Variants in KCNH5 observed in about 807,000 individuals in gnomAD.
The protein encoded by KCNH5 is voltage-gated delayed rectifier potassium channel KCNH5.
In KCNH5, 46 loss-of-function variants were observed where a neutral mutation model predicts 96.1. The observed-to-expected ratio is 0.48, with a 90% CI of 0.38 to 0.61. KCNH5 has a LOEUF of 0.61. KCNH5 is among the 20% of genes least tolerant of loss of function. The pLI is 0.00. For synonymous variants in KCNH5, 439 were observed against 449.8 expected (o/e 0.98, Z 0.30); for missense variants, 907 against 1,225.8 (o/e 0.74, Z 3.88).
In KCNH5 at chr14:62,799,782, A is replaced by G. The variant is rs1402527148; in HGVS notation, c.1822+2547T>C. Among the ~76,000 whole-genome samples the G allele has an allele frequency of 2.2e-5, 3 of 138,244 alleles. No individual in the cohort carries two copies. In the South Asian group the frequency reaches 6.6e-4, roughly 31 times the overall value. The allele number at this position is 138,244 out of a possible 152,430, so 90.7% of individuals were successfully genotyped here. On this transcript the variant is annotated intron_variant, in intron 9 of 10. Transcript: ENST00000322893. ...GAAGGGATTATATATTTAATATTTT[A>G]TATATTTAATATATTATATATTTAA...
At chr14:62,920,726 CCAAT>C (rs1382369794) in intron 7 of KCNH5, among the ~76,000 whole-genome samples, 1 of 152,048 alleles carries the variant, frequency 6.6e-6, no homozygotes, top group African/African-American at 2.4e-5. Context: ...ATCTGAAAGA[CCAAT>C]CAATTATTCA....
chr14:62,949,311 G>A (rs1469741862), intron 7 of KCNH5, among the ~76,000 whole-genome samples: 2 of 151,848 alleles, frequency 1.3e-5, no homozygotes, highest in African/African-American at 2.4e-5. Flanking sequence ...CTTCAGCAAA[G>A]TCTCAGGATA....
At chr14:62,958,689 C>G (rs899150662) in intron 6 of KCNH5, among the ~76,000 whole-genome samples, 5 of 152,116 alleles carry the variant, frequency 3.3e-5, no homozygotes, top group Non-Finnish European at 5.9e-5. Flanking sequence ...CTTAGCATCA[C>G]TGTCTCTTCA....
chr14:62,733,410 G>T (rs556116042), intron 10 of KCNH5, among the ~76,000 whole-genome samples: 86 of 152,158 alleles, frequency 5.7e-4, no homozygotes, highest in Admixed American at 5.1e-3. Context: ...TCACAAACCA[G>T]GAAACAGGCT....
intron 8 of KCNH5, among the ~76,000 whole-genome samples, chr14:62,845,608 T>C (rs1288883411): frequency 6.6e-6 from 1 of 152,186 alleles, no homozygotes; most frequent in Admixed American, 6.5e-5. Context: ...GATGGTGATG[T>C]GGACCAGGTG....
intron 7 of KCNH5, among the ~76,000 whole-genome samples, chr14:62,939,733 A>G (rs1038652136): frequency 1.3e-5 from 2 of 152,184 alleles, no homozygotes; most frequent in Non-Finnish European, 2.9e-5. Context: ...TGAGGCCAGG[A>G]GTTCGAGACC....
rs1285423741 is a variant in KCNH5, at chr14:62,703,871, G to T, written c.*3637C>A. ...AAGATAAAAATTATACAAGATAGTG[G>T]AATTCATTAGAAATATGATGAATAA... On this transcript the variant is annotated 3_prime_UTR_variant, in exon 11 of 11. Transcript: ENST00000322893. 6.6e-6 allele frequency: 1 copy of T among 151,640 alleles called. No individual in the cohort carries two copies. Among genetic ancestry groups the T allele is most frequent in the Non-Finnish European group, 1.5e-5 (1 of 67,770 alleles). 9.4% of individuals were successfully genotyped at this position (151,640 alleles called of 1,614,324 possible).
At chr14:62,911,814 C>T (rs1172613963) in intron 7 of KCNH5, among the ~76,000 whole-genome samples, 1 of 151,304 alleles carries the variant, frequency 6.6e-6, no homozygotes, top group Non-Finnish European at 1.5e-5. Flanking sequence ...GCAGGTGGAT[C>T]ACTTGAGGCC....
chr14:63,027,573 C>T (rs1891548569), intron 1 of KCNH5, among the ~76,000 whole-genome samples: 1 of 150,800 alleles, frequency 6.6e-6, no homozygotes, highest in African/African-American at 2.4e-5. Flanking sequence ...TTGAATTGTC[C>T]ATATTCTATA....
chr14:62,864,996 A>AAC (rs1490403910), intron 7 of KCNH5, among the ~76,000 whole-genome samples: 1 of 152,166 alleles, frequency 6.6e-6, no homozygotes, highest in Non-Finnish European at 1.5e-5. Context: ...CAAATCTAAA[A>AAC]ACAGGTGTTT....
At chr14:62,987,737 G>A (rs775561758) in intron 4 of KCNH5, among the ~76,000 whole-genome samples, 133 of 152,108 alleles carry the variant, frequency 8.7e-4, no homozygotes, top group Non-Finnish European at 2.4e-4. Context: ...ATGCCAGCCA[G>A]GATCGTTTGC....
At chr14:62,799,575 AAAAAAAAAAAAAAAAAAGCC>A (rs1886608057) in intron 9 of KCNH5, among the ~76,000 whole-genome samples, 1 of 28,070 alleles carries the variant, frequency 3.6e-5, no homozygotes, top group South Asian at 3.4e-3. Flanking sequence ...CTCCGTCTCA[AAAAAAAAAAAAAAAAAAGCC>A]AAAAAGAAAA....
At chr14:62,822,279 AATTCAT>A (rs1887130848) in intron 8 of KCNH5, among the ~76,000 whole-genome samples, 1 of 152,134 alleles carries the variant, frequency 6.6e-6, no homozygotes, top group Non-Finnish European at 1.5e-5. Context: ...CTTATTCTAA[AATTCAT>A]ACATTAAGGC....
chr14:62,758,519 T>C (rs549030752), intron 10 of KCNH5, among the ~76,000 whole-genome samples: 4 of 152,334 alleles, frequency 2.6e-5, no homozygotes, highest in Admixed American at 6.5e-5. Flanking sequence ...CTTCTCTCAG[T>C]ACTTACTTCC....
chr14:63,040,618 A>G (rs557639161), intron 1 of KCNH5, among the ~76,000 whole-genome samples: 1 of 152,300 alleles, frequency 6.6e-6, no homozygotes, highest in African/African-American at 2.4e-5. Context: ...TATAACAACA[A>G]CAACCAAAAT....
intron 10 of KCNH5, among the ~76,000 whole-genome samples, chr14:62,769,275 A>G (rs530819834): frequency 5.9e-5 from 9 of 152,354 alleles, no homozygotes; most frequent in Non-Finnish European, 1.0e-4. Context: ...TCTACAAACC[A>G]TAACATGTAA....
At chr14:62,974,995 A>G (rs1371341470) in intron 6 of KCNH5, among the ~76,000 whole-genome samples, 1 of 152,218 alleles carries the variant, frequency 6.6e-6, no homozygotes, top group Non-Finnish European at 1.5e-5. Flanking sequence ...AAAATATATT[A>G]GTATCCCTTT....
intron 7 of KCNH5, among the ~76,000 whole-genome samples, chr14:62,898,062 C>T (rs954750597): frequency 4.6e-5 from 7 of 152,188 alleles, no homozygotes; most frequent in African/African-American, 9.6e-5. Flanking sequence ...TGGCATTGCC[C>T]GGGCACTGGG....
chr14:62,950,126 T>C lies in KCNH5; in HGVS notation c.1369+7A>G, dbSNP rs79489451. 1.4e-3 allele frequency: 2,264 copies of C among 1,612,270 alleles called. 21 individuals are homozygous for C. In the African/African-American group the frequency reaches 0.027, roughly 19 times the overall value. ...ATAATTTTCAATGAAAAAATTAAAATACTTACAGCCAACCATCATCATAGC... is the reference window on the plus strand; with the variant it reads ...ATAATTTTCAATGAAAAAATTAAAACACTTACAGCCAACCATCATCATAGC... On this transcript the variant is annotated splice_region_variant and intron_variant, in intron 7 of 10. Coordinates refer to ENST00000322893, the MANE Select transcript of KCNH5 (RefSeq NM_139318.5).
Sources: allele counts gnomAD v4.1 joint callset (sites outside exome capture counted in the v4.1 genomes callset), GRCh38; gene constraint gnomAD v4.1.1; transcripts MANE v1.5; gene names NCBI Gene and HGNC (gene_info 2026-07-23, HGNC 2026-07-21).